PRKAR1A: variants seen among roughly 807,000 people sequenced by gnomAD.
PRKAR1A encodes cAMP-dependent protein kinase type I-alpha regulatory subunit.
In PRKAR1A, 3 loss-of-function variants were observed where a neutral mutation model predicts 52.0. The ratio of observed to expected loss-of-function variants is 0.06; its 90% CI spans 0.03 to 0.15. PRKAR1A has a LOEUF of 0.15. Ranked by LOEUF, PRKAR1A falls within the 10% of genes least tolerant of loss-of-function variation. PRKAR1A has a pLI of 1.00. For missense variants in PRKAR1A, 240 were observed against 477.4 expected (o/e 0.50, Z 4.63); for synonymous variants, 188 against 168.4 (o/e 1.12, Z -0.90).
At chr17:68,440,102 G>A in the PRKAR1A span, among the ~76,000 whole-genome samples, 128 of 152,304 alleles carry the variant, frequency 8.4e-4, 1 homozygote, top group African/African-American at 2.9e-3. Flanking sequence ...AAGGATAAGA[G>A]TGAGGGCAGG....
intron 11 of PRKAR1A, chr17:68,539,988 A>G: frequency 1.2e-6 from 2 of 1,609,680 alleles, no homozygotes; most frequent in Non-Finnish European, 1.7e-6. Flanking sequence ...GGGAGGACTT[A>G]GCTGGAACCA....
chr17:68,471,509 G>C, the PRKAR1A span, among the ~76,000 whole-genome samples: 1 of 152,162 alleles, frequency 6.6e-6, no homozygotes, highest in Non-Finnish European at 1.5e-5. Context: ...CCAGCCATGT[G>C]TAACATCAAA....
chr17:68,475,621 G>T, the PRKAR1A span, among the ~76,000 whole-genome samples: 29 of 151,996 alleles, frequency 1.9e-4, no homozygotes, highest in Non-Finnish European at 3.7e-4. Flanking sequence ...GTGCCACCAC[G>T]CCTGGCTAAT....
chr17:68,530,071 T>G (rs1218897508), intron 10 of PRKAR1A, 70 bp downstream of exon 10: 1 of 1,554,552 alleles, frequency 6.4e-7, no homozygotes, highest in African/African-American at 1.4e-5. Context: ...TATTGTAGTC[T>G]TCCATAATTT....
chr17:68,530,815 T>G lies in PRKAR1A; in HGVS notation c.*366T>G. Reference sequence around the variant, plus strand: ...TGCAAGATTTTTTTTTTAAGTGACATAATTGTCCAGTTATAAGCGTATTTA... The same window carrying G: ...TGCAAGATTTTTTTTTTAAGTGACAGAATTGTCCAGTTATAAGCGTATTTA... On this transcript the variant is annotated 3_prime_UTR_variant, in exon 11 of 11. Transcript: ENST00000589228. 1 of 1,249,546 alleles carries G rather than the reference T, an allele frequency of 8.0e-7. No homozygotes were observed. Among genetic ancestry groups the G allele is most frequent in the Non-Finnish European group, 1.0e-6 (1 of 984,424 alleles). The allele number at this position is 1,249,546 out of a possible 1,614,324, so 77.4% of individuals were successfully genotyped here. A position where few individuals can be genotyped will look rare whatever the true frequency, so the allele number is the denominator to read the frequency against.
chr17:68,425,578 G>A, the PRKAR1A span, among the ~76,000 whole-genome samples: 1 of 152,078 alleles, frequency 6.6e-6, no homozygotes, highest in Non-Finnish European at 1.5e-5. Context: ...GCCGGCCAGA[G>A]CTGCAGGTAA....
At chr17:68,535,730 T>C (rs1225813129), downstream of PRKAR1A, 1 of 451,654 alleles carries the variant, frequency 2.2e-6, no homozygotes, top group South Asian at 1.6e-5. Flanking sequence ...CAGGCTGGTC[T>C]CGAGCTCCTG....
chr17:68,460,543 T>C, the PRKAR1A span, among the ~76,000 whole-genome samples: 1 of 152,224 alleles, frequency 6.6e-6, no homozygotes, highest in Non-Finnish European at 1.5e-5. Flanking sequence ...TGGTCCCCCT[T>C]ATATGTTTCT....
chr17:68,433,783 T>TTGTTTTTG, the PRKAR1A span, among the ~76,000 whole-genome samples: 1 of 85,900 alleles, frequency 1.2e-5, no homozygotes, highest in African/African-American at 4.0e-5. Flanking sequence ...TTTTTTTTTT[T>TTGTTTTTG]TTTTTTTTTT....
chr17:68,434,812 C>A, the PRKAR1A span, among the ~76,000 whole-genome samples: 1 of 152,264 alleles, frequency 6.6e-6, no homozygotes, highest in South Asian at 2.1e-4. Flanking sequence ...GTTATAAACA[C>A]CCTCTGTCTA....
intron 2 of PRKAR1A, 25 bp from the exon 3 acceptor site, chr17:68,522,731 T>C: frequency 5.0e-6 from 8 of 1,613,802 alleles, no homozygotes; most frequent in Non-Finnish European, 6.8e-6. Flanking sequence ...AGGATCTCAT[T>C]TTGCAAACTC....
chr17:68,533,262 T>C lies in PRKAR1A; in HGVS notation c.*2813T>C. On this transcript the variant is annotated 3_prime_UTR_variant, in exon 11 of 11. Transcript: ENST00000589228. The stretch of plus-strand genomic sequence containing the variant: ...GATTAAGTTGTATTCATTAGTGTAT[T>C]GGTATTTCTTCACATCCAGTGAAAT... 3 of 1,063,138 alleles carry C rather than the reference T, an allele frequency of 2.8e-6. No homozygotes were observed. The highest frequency in any genetic ancestry group is 3.4e-6 in the Non-Finnish European group (3 of 877,466). The allele number at this position is 1,063,138 out of a possible 1,614,324, so 65.9% of individuals were successfully genotyped here. A position where few individuals can be genotyped will look rare whatever the true frequency, so the allele number is the denominator to read the frequency against.
chr17:68,442,021 C>T, the PRKAR1A span, among the ~76,000 whole-genome samples: 2 of 152,158 alleles, frequency 1.3e-5, no homozygotes, highest in South Asian at 4.1e-4. Context: ...AATCGATTCC[C>T]TTTACAAACA....
chr17:68,487,732 G>A, the PRKAR1A span, among the ~76,000 whole-genome samples: 34 of 151,690 alleles, frequency 2.2e-4, no homozygotes, highest in African/African-American at 8.2e-4. Context: ...AGCAGGAGGC[G>A]GAGGTTGCAG....
intron 2 of PRKAR1A, among the ~76,000 whole-genome samples, chr17:68,518,862 T>C (rs766406089): frequency 6.6e-6 from 1 of 152,246 alleles, no homozygotes; most frequent in Non-Finnish European, 1.5e-5. Context: ...CTTAGAAATT[T>C]CTTCCACCGG....
At chr17:68,538,380 C>A (rs2086156865), downstream of PRKAR1A, among the ~76,000 whole-genome samples, 1 of 152,210 alleles carries the variant, frequency 6.6e-6, no homozygotes, top group South Asian at 2.1e-4. Flanking sequence ...TTTAAATTAA[C>A]CTAAGACATA....
chr17:68,435,520 G>T, the PRKAR1A span: 1 of 1,159,656 alleles, frequency 8.6e-7, no homozygotes, highest in Non-Finnish European at 1.3e-6. Context: ...CCAGAGACCA[G>T]TCAGTCTTCA....
the PRKAR1A span, among the ~76,000 whole-genome samples, chr17:68,486,299 A>G: frequency 6.6e-6 from 1 of 152,090 alleles, no homozygotes; most frequent in East Asian, 1.9e-4. Context: ...AGTCTGTCAC[A>G]GCATCAGGAG....
At chr17:68,538,213 TGTGGTAGGA>T (rs2086152203), downstream of PRKAR1A, among the ~76,000 whole-genome samples, 1 of 152,220 alleles carries the variant, frequency 6.6e-6, no homozygotes, top group African/African-American at 2.4e-5. Context: ...GAGATGAAAA[TGTGGTAGGA>T]CCCATCTTTA....
Sources: gnomAD v4.1 joint callset for allele counts (sites outside exome capture counted in the v4.1 genomes callset) on GRCh38, gnomAD v4.1.1 for gene constraint, MANE v1.5 for transcripts, NCBI Gene and HGNC (gene_info 2026-07-23, HGNC 2026-07-21) for gene names.